The following POU6F2 variants were observed in gnomAD, a reference collection of about 807,000 sequenced individuals.
The protein encoded by POU6F2 is POU class 6 homeobox 2, also known as POU domain, class 6, transcription factor 2.
A neutral mutation model predicts 71.3 loss-of-function variants in POU6F2; 31 were observed. That is an observed-to-expected ratio of 0.43 (90% CI 0.33 to 0.59). The LOEUF (loss-of-function observed/expected upper bound fraction) is 0.59, where lower values mean the gene tolerates loss of function less well. POU6F2 is among the 20% of genes least tolerant of loss of function. The pLI is 0.04. For synonymous variants in POU6F2, 347 were observed against 355.7 expected, an observed-to-expected ratio of 0.98 and a Z score of 0.27; for missense variants, 783 against 856.8, an observed-to-expected ratio of 0.91 and a Z score of 1.07.
chr7:39,200,006 T>C (rs1793863755), intron 2 of POU6F2, among the ~76,000 whole-genome samples: 1 of 152,260 alleles, frequency 6.6e-6, no homozygotes, highest in South Asian at 2.1e-4. Flanking sequence ...AAATTACCTG[T>C]GAACAAATCA....
chr7:39,365,898 A>G (rs948155674), intron 5 of POU6F2, among the ~76,000 whole-genome samples: 4 of 152,184 alleles, frequency 2.6e-5, no homozygotes, highest in East Asian at 1.9e-4. Flanking sequence ...ATGGTTATGT[A>G]TCTGAAGTCA....
intron 6 of POU6F2, among the ~76,000 whole-genome samples, chr7:39,427,816 T>A (rs1172951570): frequency 6.6e-6 from 1 of 152,278 alleles, no homozygotes. Flanking sequence ...CATAACAGAG[T>A]TTAACAACAT....
chr7:39,348,586 G>T (rs1786075018), intron 5 of POU6F2, among the ~76,000 whole-genome samples: 2 of 152,264 alleles, frequency 1.3e-5, no homozygotes, highest in South Asian at 4.1e-4. Flanking sequence ...TGGGATTCCA[G>T]ATCTAGTCTG....
chr7:39,231,198 C>A (rs1794568032), intron 4 of POU6F2, among the ~76,000 whole-genome samples: 1 of 152,146 alleles, frequency 6.6e-6, no homozygotes, highest in Admixed American at 6.5e-5. Context: ...ATTGACTTTA[C>A]AATCTGAAAG....
intron 4 of POU6F2, among the ~76,000 whole-genome samples, chr7:39,240,013 A>G (rs1284820031): frequency 6.6e-6 from 1 of 152,158 alleles, no homozygotes; most frequent in African/African-American, 2.4e-5. Context: ...GAAACTGCTA[A>G]GTATTCTTAA....
intron 1 of POU6F2, among the ~76,000 whole-genome samples, chr7:39,011,011 G>T (rs1468924661): frequency 7.1e-6 from 1 of 141,276 alleles, no homozygotes; most frequent in Admixed American, 7.1e-5. Flanking sequence ...TTGATTTGGG[G>T]TGGAGAGTTC....
chr7:39,205,508 A>G (rs1241682068), intron 3 of POU6F2, among the ~76,000 whole-genome samples: 3 of 151,654 alleles, frequency 2.0e-5, no homozygotes, highest in Admixed American at 1.3e-4. Flanking sequence ...GCAGGCCAAA[A>G]CCCCCAAATC....
chr7:39,326,503 T>C (rs1181110873), intron 4 of POU6F2, among the ~76,000 whole-genome samples: 1 of 152,254 alleles, frequency 6.6e-6, no homozygotes, highest in Non-Finnish European at 1.5e-5. Context: ...ATGGATTCCT[T>C]GCAGGTTATC....
At chr7:39,338,373 C>T (rs1178679125) in intron 4 of POU6F2, among the ~76,000 whole-genome samples, 1 of 152,186 alleles carries the variant, frequency 6.6e-6, no homozygotes, top group Non-Finnish European at 1.5e-5. Flanking sequence ...CCAGGCCTCC[C>T]TCATGCCATC....
chr7:39,042,108 A>G (rs781179659), intron 1 of POU6F2, among the ~76,000 whole-genome samples: 7 of 151,966 alleles, frequency 4.6e-5, no homozygotes, highest in Non-Finnish European at 8.8e-5. Context: ...CCATGCCTAC[A>G]TTTTTATAGA....
rs922151699 is a variant in POU6F2, at chr7:39,098,364, C to T, written c.277+12333C>T. ...ATGATCATGGCTGCAGCCTCAATCT[C>T]CTGGGCTCAAGCGATCCTCCCACCT... On this transcript the variant is annotated intron_variant, in intron 2 of 9. Coordinates refer to ENST00000518318, the MANE Select transcript of POU6F2 (RefSeq NM_001370959.1). 5.3e-5 allele frequency among the ~76,000 whole-genome samples: 8 copies of T among 152,064 alleles called. No homozygotes were observed. In the East Asian group the frequency reaches 5.8e-4, roughly 11 times the overall value.
At chr7:39,187,151 T>C (rs1793557908) in intron 2 of POU6F2, among the ~76,000 whole-genome samples, 1 of 152,236 alleles carries the variant, frequency 6.6e-6, no homozygotes, top group South Asian at 2.1e-4. Flanking sequence ...TTTATTTCAA[T>C]TTAGAGATGA....
intron 4 of POU6F2, among the ~76,000 whole-genome samples, chr7:39,285,218 T>C (rs1013426064): frequency 2.0e-4 from 31 of 152,240 alleles, no homozygotes; most frequent in African/African-American, 7.0e-4. Context: ...GGAACTCATC[T>C]TCTATCACCT....
chr7:39,369,722 C>T (rs775043621), intron 5 of POU6F2, among the ~76,000 whole-genome samples: 14 of 152,094 alleles, frequency 9.2e-5, no homozygotes, highest in Non-Finnish European at 1.9e-4. Flanking sequence ...CTTGCTCTGT[C>T]ATCCAGGCTG....
At chr7:39,463,453 C>A (rs1292362008) in intron 9 of POU6F2, among the ~76,000 whole-genome samples, 2 of 152,082 alleles carry the variant, frequency 1.3e-5, no homozygotes, top group African/African-American at 4.8e-5. Context: ...CTTAGTACAC[C>A]CAGAGGTGGG....
At chr7:39,101,167 G>A (rs1474453020) in intron 2 of POU6F2, among the ~76,000 whole-genome samples, 2 of 151,270 alleles carry the variant, frequency 1.3e-5, no homozygotes, top group Non-Finnish European at 2.9e-5. Flanking sequence ...TCCAACTCCT[G>A]GGTTCAAGCA....
chr7:39,015,974 T>A (rs1387897157), intron 1 of POU6F2, among the ~76,000 whole-genome samples: 6 of 40,594 alleles, frequency 1.5e-4, no homozygotes, highest in African/African-American at 2.5e-4. Context: ...TGATATATAT[T>A]ATATATAGAT....
At chr7:39,339,075 GA>G (rs1785850068) in intron 4 of POU6F2, among the ~76,000 whole-genome samples, 1 of 98,310 alleles carries the variant, frequency 1.0e-5, no homozygotes, top group South Asian at 3.0e-4. Context: ...TACTGCTTTT[GA>G]ATTTTTAAAA....
In POU6F2 at chr7:39,460,813, G is replaced by A. The variant is rs940757167; in HGVS notation, c.1658+98G>A. On this transcript the variant is annotated intron_variant, in intron 9 of 9. Transcript: ENST00000518318. This position sits in a 1 kb window ranked among gnomAD's most constrained non-coding sequence, Gnocchi z 4.4. The stretch of plus-strand genomic sequence containing the variant: ...CTTCGTCGGGTGGGCAAAGCTGGAG[G>A]GGCAGAGAGTGGGAACAAAGTTTGG... 1 of 1,351,164 alleles carries A rather than the reference G, an allele frequency of 7.4e-7. No individual in the cohort carries two copies. The highest frequency in any genetic ancestry group is 2.5e-5 in the East Asian group (1 of 39,350). The allele number at this position is 1,351,164 out of a possible 1,614,324, so 83.7% of individuals were successfully genotyped here. A position where few individuals can be genotyped will look rare whatever the true frequency, so the allele number is the denominator to read the frequency against.
Sources: allele counts gnomAD v4.1 joint callset (sites outside exome capture counted in the v4.1 genomes callset), GRCh38; gene constraint gnomAD v4.1.1; non-coding constraint Gnocchi (gnomAD v3.1); transcripts MANE v1.5; gene names NCBI Gene and HGNC (gene_info 2026-07-23, HGNC 2026-07-21).